The following SMPD3 variants were observed in gnomAD, a reference collection of about 807,000 sequenced individuals.
SMPD3 encodes nSMase-2.
SMPD3 carries 21 observed loss-of-function variants against 55.7 expected under a neutral mutation model. The ratio of observed to expected loss-of-function variants is 0.38; its 90% CI spans 0.27 to 0.54. The LOEUF is 0.54. Ranked by LOEUF, SMPD3 falls within the 20% of genes least tolerant of loss-of-function variation. The probability of loss-of-function intolerance (pLI) is 0.80; values close to 1 mark genes in which losing one functional copy is unlikely to be tolerated. For missense variants in SMPD3, 842 were observed against 899.6 expected, an observed-to-expected ratio of 0.94 and a Z score of 0.82; for synonymous variants, 457 against 404.3, an observed-to-expected ratio of 1.13 and a Z score of -1.56.
intron 2 of SMPD3, among the ~76,000 whole-genome samples, chr16:68,380,183 C>T (rs1456063094): frequency 6.6e-6 from 1 of 152,270 alleles, no homozygotes; most frequent in Admixed American, 6.5e-5. Flanking sequence ...CACCAGGCAG[C>T]ACCTCCTCTC....
chr16:68,382,211 G>T (rs1402938970), intron 2 of SMPD3: 2 of 152,292 alleles, frequency 1.3e-5, no homozygotes, highest in Non-Finnish European at 2.9e-5. Context: ...TCTGCCAGGG[G>T]TCAGGGTATG....
intron 1 of SMPD3, among the ~76,000 whole-genome samples, chr16:68,398,993 T>C (rs552484529): frequency 6.6e-6 from 1 of 152,366 alleles, no homozygotes; most frequent in Admixed American, 6.5e-5. Flanking sequence ...ATTACGTTTC[T>C]TATTTAAAAT....
chr16:68,374,498 C>A (rs923560483), intron 2 of SMPD3, among the ~76,000 whole-genome samples: 2 of 152,224 alleles, frequency 1.3e-5, no homozygotes, highest in African/African-American at 4.8e-5. Flanking sequence ...TGTGCTGGGC[C>A]TCAGTGAAAT....
At chr16:68,411,294 T>C (rs868286428) in intron 1 of SMPD3, among the ~76,000 whole-genome samples, 7 of 152,226 alleles carry the variant, frequency 4.6e-5, no homozygotes, top group African/African-American at 1.4e-4. Context: ...ACTTGGGTGC[T>C]GTTGCAGTGT....
chr16:68,436,329 AAC>A (rs2090522760), intron 1 of SMPD3, among the ~76,000 whole-genome samples: 1 of 152,162 alleles, frequency 6.6e-6, no homozygotes. Context: ...GTCTGGACCC[AAC>A]ACACAAGAGC....
intron 8 of SMPD3, 100 bp downstream of exon 8, chr16:68,361,503 C>T: frequency 6.6e-7 from 1 of 1,517,984 alleles, no homozygotes; most frequent in South Asian, 1.2e-5. Context: ...GTAAGAGTGG[C>T]CTGGGGCGTG....
At chr16:68,390,854 C>T (rs917573928) in intron 1 of SMPD3, among the ~76,000 whole-genome samples, 1 of 151,966 alleles carries the variant, frequency 6.6e-6, no homozygotes, top group Admixed American at 6.5e-5. Context: ...TGGGTGAGAC[C>T]CTGGGGGAGA....
intron 1 of SMPD3, among the ~76,000 whole-genome samples, chr16:68,401,658 A>G (rs1383467874): frequency 1.3e-5 from 2 of 152,150 alleles, no homozygotes; most frequent in African/African-American, 2.4e-5. Context: ...AGGAACTTCA[A>G]TCTTCTTATT....
intron 1 of SMPD3, among the ~76,000 whole-genome samples, chr16:68,395,307 C>T (rs1413671884): frequency 6.6e-6 from 1 of 152,204 alleles, no homozygotes; most frequent in African/African-American, 2.4e-5. Flanking sequence ...TTCAGGGGCT[C>T]TCTGTTCCCA....
intron 1 of SMPD3, among the ~76,000 whole-genome samples, chr16:68,425,753 G>A (rs956659232): frequency 3.3e-5 from 5 of 152,116 alleles, no homozygotes; most frequent in East Asian, 1.9e-4. Context: ...ATCCGGCCTC[G>A]GGCCAGCCCA....
chr16:68,416,918 G>A (rs1468150846), intron 1 of SMPD3, among the ~76,000 whole-genome samples: 1 of 152,144 alleles, frequency 6.6e-6, no homozygotes, highest in Non-Finnish European at 1.5e-5. Flanking sequence ...TCTGTGGCTG[G>A]AAAGCTGCTT....
At chr16:68,376,265 C>A (rs2089810900) in intron 2 of SMPD3, among the ~76,000 whole-genome samples, 1 of 152,194 alleles carries the variant, frequency 6.6e-6, no homozygotes. Flanking sequence ...CTGGCCCGGG[C>A]CTGCTGCGTG....
Position 68,371,723 on chromosome 16 carries a change from C to G in SMPD3, c.459G>C (p.Glu153Asp). Residue 153 changes from glutamate to aspartate, a missense_variant, in exon 3 of 9, where the codon GAG becomes GAC. Physicochemically the swap from Glu to Asp is conservative, Grantham distance 45. Around this residue, in one of 2 missense-constraint regions of SMPD3, gnomAD observed 193 missense variants for 256.0 expected, o/e 0.75. Transcript: ENST00000219334. Reference protein sequence around the residue: ...NLFNTQARAKEIGQRIRNGAA... With the variant: ...NLFNTQARAKDIGQRIRNGAA... The stretch of plus-strand genomic sequence containing the variant: ...CCCCATTGCGGATTCTCTGCCCGAT[C>G]TCCTTGGCCCGCGCTTGGGTGTTAA... 1 of 1,594,102 alleles carries G rather than the reference C, an allele frequency of 6.3e-7. No homozygotes were observed. The highest frequency in any genetic ancestry group is 1.1e-5 in the South Asian group (1 of 88,942).
At chr16:68,402,336 G>A (rs1450117203) in intron 1 of SMPD3, among the ~76,000 whole-genome samples, 2 of 152,194 alleles carry the variant, frequency 1.3e-5, no homozygotes, top group South Asian at 2.1e-4. Context: ...GGGCCAGGAG[G>A]CAGGGATTGA....
intron 1 of SMPD3, among the ~76,000 whole-genome samples, chr16:68,438,265 G>T (rs1011643982): frequency 2.6e-5 from 4 of 152,236 alleles, no homozygotes; most frequent in Admixed American, 2.0e-4. Flanking sequence ...CTTGACACAG[G>T]CAGGAATCCT....
intron 1 of SMPD3, among the ~76,000 whole-genome samples, chr16:68,409,626 C>G (rs1234514798): frequency 6.6e-6 from 1 of 152,172 alleles, no homozygotes; most frequent in African/African-American, 2.4e-5. Flanking sequence ...CGGAGTTTCA[C>G]TCTGTTCCCC....
At chr16:68,409,476 T>C (rs2090281092) in intron 1 of SMPD3, among the ~76,000 whole-genome samples, 4 of 152,156 alleles carry the variant, frequency 2.6e-5, no homozygotes, top group Admixed American at 6.5e-5. Flanking sequence ...CGTTTTTCCA[T>C]CTCTGAAGTG....
At chr16:68,398,326 T>G (rs1275735444) in intron 1 of SMPD3, among the ~76,000 whole-genome samples, 4 of 152,188 alleles carry the variant, frequency 2.6e-5, no homozygotes, top group Admixed American at 1.3e-4. Context: ...ACTTTTTCCT[T>G]TTTCACTTAG....
At chr16:68,427,934 G>A (rs1357515337) in intron 1 of SMPD3, among the ~76,000 whole-genome samples, 1 of 152,124 alleles carries the variant, frequency 6.6e-6, no homozygotes, top group Non-Finnish European at 1.5e-5. Context: ...CTGTGCTCGA[G>A]ACCCAGAAAT....
Sources: gnomAD v4.1 joint callset for allele counts (sites outside exome capture counted in the v4.1 genomes callset) on GRCh38, gnomAD v4.1.1 for gene constraint, gnomAD v4.1.1 regional missense constraint, MANE v1.5 for transcripts, NCBI Gene and HGNC (gene_info 2026-07-23, HGNC 2026-07-21) for gene names.